Variants in PITPNC1 observed in about 807,000 individuals in gnomAD.
PITPNC1 encodes the protein cytoplasmic phosphatidylinositol transfer protein 1.
In PITPNC1, 18 loss-of-function variants were observed where a neutral mutation model predicts 44.7. That is an observed-to-expected ratio of 0.40 (90% CI 0.28 to 0.60). The LOEUF is 0.60. PITPNC1 is among the 20% of genes least tolerant of loss of function. PITPNC1 has a pLI of 0.39. For missense variants in PITPNC1, 290 were observed against 418.4 expected, an observed-to-expected ratio of 0.69 and a Z score of 2.68; for synonymous variants, 141 against 149.6, an observed-to-expected ratio of 0.94 and a Z score of 0.42.
intron 5 of PITPNC1, among the ~76,000 whole-genome samples, chr17:67,623,272 T>C (rs1168432666): frequency 1.3e-5 from 2 of 152,188 alleles, no homozygotes; most frequent in Admixed American, 6.5e-5. Flanking sequence ...CTCAGTAGCT[T>C]GTACAGATGG....
At chr17:67,593,521 C>G (rs767702828) in intron 5 of PITPNC1, among the ~76,000 whole-genome samples, 4 of 152,042 alleles carry the variant, frequency 2.6e-5, no homozygotes, top group African/African-American at 9.7e-5. Flanking sequence ...GCCTCAGCCT[C>G]CCAAGTAGCT....
chr17:67,394,670 G>A (rs570866498), intron 1 of PITPNC1, among the ~76,000 whole-genome samples: 6 of 152,082 alleles, frequency 3.9e-5, no homozygotes, highest in Admixed American at 1.3e-4. Flanking sequence ...TTGGGAGGCC[G>A]AGGCGGGTGG....
At chr17:67,471,239 G>A (rs1168520782) in intron 1 of PITPNC1, among the ~76,000 whole-genome samples, 8 of 122,304 alleles carry the variant, frequency 6.5e-5, no homozygotes, top group East Asian at 2.4e-4. Context: ...AAAAAAAAAT[G>A]TAAAAAAAAA....
intron 5 of PITPNC1, among the ~76,000 whole-genome samples, chr17:67,615,432 G>C (rs960150909): frequency 4.6e-5 from 7 of 152,164 alleles, no homozygotes; most frequent in Non-Finnish European, 8.8e-5. Context: ...TCAGAGAGCA[G>C]GGCTGCCGGC....
At chr17:67,465,744 C>A (rs1012879065) in intron 1 of PITPNC1, among the ~76,000 whole-genome samples, 3 of 152,096 alleles carry the variant, frequency 2.0e-5, no homozygotes, top group Non-Finnish European at 2.9e-5. Context: ...GCACTGGAGA[C>A]CTTGAACTGG....
At chr17:67,666,177 A>G (rs1003394292) in intron 6 of PITPNC1, among the ~76,000 whole-genome samples, 4 of 152,006 alleles carry the variant, frequency 2.6e-5, no homozygotes, top group Admixed American at 6.6e-5. Context: ...TTTGTTTTTA[A>G]TACAGCTGGG....
intron 5 of PITPNC1, among the ~76,000 whole-genome samples, chr17:67,580,247 A>C (rs2041211127): frequency 2.0e-5 from 3 of 152,230 alleles, no homozygotes; most frequent in Admixed American, 6.5e-5. Flanking sequence ...TATTGAAGTA[A>C]GCTTGACTCT....
At chr17:67,592,013 C>T (rs1054007936) in intron 5 of PITPNC1, among the ~76,000 whole-genome samples, 10 of 151,452 alleles carry the variant, frequency 6.6e-5, no homozygotes, top group Non-Finnish European at 1.2e-4. Context: ...ACACCCAGCG[C>T]AATGATTTTT....
chr17:67,631,643 A>ATATATATATAT (rs1158917120), intron 5 of PITPNC1, among the ~76,000 whole-genome samples: 1 of 8,248 alleles, frequency 1.2e-4, no homozygotes, highest in Non-Finnish European at 3.2e-4. Context: ...ACCAAAAAAA[A>ATATATATATAT]AAAAAAAAAA....
At chr17:67,671,745 T>G (rs910923486) in intron 7 of PITPNC1, among the ~76,000 whole-genome samples, 2 of 152,110 alleles carry the variant, frequency 1.3e-5, no homozygotes, top group African/African-American at 4.8e-5. Flanking sequence ...GGATCTCCTG[T>G]TTTCCTCCTG....
intron 6 of PITPNC1, chr17:67,632,548 G>T: frequency 1.2e-5 from 3 of 257,862 alleles, no homozygotes; most frequent in Non-Finnish European, 1.4e-5. Context: ...AAAAACAACA[G>T]TCTCCCCAAT....
Position 67,644,583 on chromosome 17 carries a change from C to T in PITPNC1, c.462+12345C>T, listed in dbSNP as rs1019680199. ...CTGAGTAGCTGGGACTACAGGTGCA[C>T]GCCACCACGCCCAGCTAATTTTTGT... On this transcript the variant is annotated intron_variant, in intron 6 of 8. Transcript: ENST00000581322. Among the ~76,000 whole-genome samples the T allele has an allele frequency of 1.2e-4, 18 of 151,898 alleles. No homozygotes were observed. In the East Asian group the frequency reaches 1.7e-3, roughly 15 times the overall value.
At chr17:67,421,859 C>T (rs372463829) in intron 1 of PITPNC1, among the ~76,000 whole-genome samples, 2 of 152,226 alleles carry the variant, frequency 1.3e-5, no homozygotes, top group South Asian at 2.1e-4. Context: ...GCGAATAAGC[C>T]ACCAAATCCT....
intron 1 of PITPNC1, among the ~76,000 whole-genome samples, chr17:67,477,169 G>A (rs2039641671): frequency 6.6e-6 from 1 of 151,886 alleles, no homozygotes; most frequent in South Asian, 2.1e-4. Flanking sequence ...TCTACCTTCT[G>A]GGCTCAAGGG....
chr17:67,381,917 G>A (rs1470580344), intron 1 of PITPNC1, among the ~76,000 whole-genome samples: 2 of 152,134 alleles, frequency 1.3e-5, no homozygotes, highest in Admixed American at 6.6e-5. Flanking sequence ...TGGTGGTGGC[G>A]GGCGGTGGAG....
At chr17:67,493,887 C>A (rs1179909853) in intron 1 of PITPNC1, among the ~76,000 whole-genome samples, 1 of 152,238 alleles carries the variant, frequency 6.6e-6, no homozygotes, top group Non-Finnish European at 1.5e-5. Flanking sequence ...CCACAGTTAA[C>A]CACTGTTGAA....
At chr17:67,466,326 A>G (rs868338261) in intron 1 of PITPNC1, among the ~76,000 whole-genome samples, 1 of 152,112 alleles carries the variant, frequency 6.6e-6, no homozygotes, top group Non-Finnish European at 1.5e-5. Flanking sequence ...TGGGCTGGCC[A>G]AAGTCAGCCT....
chr17:67,608,576 C>T (rs1460576592), intron 5 of PITPNC1, among the ~76,000 whole-genome samples: 2 of 151,276 alleles, frequency 1.3e-5, no homozygotes, highest in Admixed American at 6.6e-5. Context: ...CTGCAACCTC[C>T]ACCTCTTGAG....
chr17:67,389,141 C>T (rs2038099390), intron 1 of PITPNC1, among the ~76,000 whole-genome samples: 1 of 152,224 alleles, frequency 6.6e-6, no homozygotes, highest in Non-Finnish European at 1.5e-5. Flanking sequence ...TTCCTTACTG[C>T]ATCCATCAGT....
Sources: gnomAD v4.1 joint callset for allele counts (sites outside exome capture counted in the v4.1 genomes callset) on GRCh38, gnomAD v4.1.1 for gene constraint, MANE v1.5 for transcripts, NCBI Gene and HGNC (gene_info 2026-07-23, HGNC 2026-07-21) for gene names.